KIAA1328: variants seen among roughly 807,000 people sequenced by gnomAD.
KIAA1328 encodes KIAA1328, also known as protein hinderin.
In KIAA1328, 52 loss-of-function variants were observed where a neutral mutation model predicts 68.1. The ratio of observed to expected loss-of-function variants is 0.76; its 90% CI spans 0.61 to 0.96. KIAA1328 has a LOEUF of 0.96. Among genes scored for constraint, KIAA1328 ranks in the 40% least tolerant of loss-of-function variants. The pLI is 0.00. For missense variants in KIAA1328, 641 were observed against 677.6 expected (o/e 0.95, Z 0.60); for synonymous variants, 232 against 239.4 (o/e 0.97, Z 0.28).
intron 6 of KIAA1328, among the ~76,000 whole-genome samples, chr18:37,066,098 G>A (rs1413201912): frequency 1.3e-5 from 2 of 152,184 alleles, no homozygotes; most frequent in African/African-American, 4.8e-5. Context: ...GCACCCTTCA[G>A]TTTATTCTGC....
chr18:36,853,004 A>G (rs1365325033), intron 4 of KIAA1328, among the ~76,000 whole-genome samples: 1 of 152,074 alleles, frequency 6.6e-6, no homozygotes, highest in Admixed American at 6.6e-5. Context: ...TATTTTTATA[A>G]TTTTTGTATC....
At chr18:36,939,853 C>T (rs917129678) in intron 5 of KIAA1328, among the ~76,000 whole-genome samples, 9 of 152,048 alleles carry the variant, frequency 5.9e-5, no homozygotes, top group Admixed American at 2.0e-4. Context: ...ATGATCACCA[C>T]GGTTTTTATT....
intron 5 of KIAA1328, among the ~76,000 whole-genome samples, chr18:36,896,285 G>T (rs1165438879): frequency 3.3e-5 from 5 of 151,774 alleles, no homozygotes; most frequent in African/African-American, 1.2e-4. Flanking sequence ...TTGATTTTTG[G>T]CAATCTTGTT....
At chr18:36,931,832 A>T (rs2050320984) in intron 5 of KIAA1328, among the ~76,000 whole-genome samples, 1 of 147,094 alleles carries the variant, frequency 6.8e-6, no homozygotes, top group South Asian at 2.1e-4. Flanking sequence ...TAGCTATTTC[A>T]TTTTTTTAAT....
chr18:36,877,663 CTTTTT>C (rs908999170), intron 4 of KIAA1328, among the ~76,000 whole-genome samples: 2 of 116,012 alleles, frequency 1.7e-5, no homozygotes, highest in Non-Finnish European at 3.6e-5. Context: ...CAGTCTGTGT[CTTTTT>C]TTTTTTTTTT....
chr18:37,110,261 A>G (rs1232530917), intron 7 of KIAA1328, among the ~76,000 whole-genome samples: 1 of 152,182 alleles, frequency 6.6e-6, no homozygotes, highest in South Asian at 2.1e-4. Context: ...AATGTATTGC[A>G]GTGTTTCACT....
chr18:37,183,272 G>T (rs1232815141), intron 9 of KIAA1328, among the ~76,000 whole-genome samples: 1 of 152,112 alleles, frequency 6.6e-6, no homozygotes, highest in African/African-American at 2.4e-5. Context: ...ATTCTGAAAG[G>T]ATTTAATTCC....
chr18:36,847,613 A>G (rs1284342163), intron 4 of KIAA1328, among the ~76,000 whole-genome samples: 1 of 151,410 alleles, frequency 6.6e-6, no homozygotes, highest in East Asian at 1.9e-4. Context: ...TTCTCTTCTT[A>G]ATATTGAGGT....
At chr18:36,954,765 A>G (rs1049758214) in intron 5 of KIAA1328, among the ~76,000 whole-genome samples, 12 of 149,968 alleles carry the variant, frequency 8.0e-5, no homozygotes, top group South Asian at 2.1e-4. Flanking sequence ...TGCGATCTCA[A>G]CTCACTGCAA....
At chr18:36,962,402 G>T (rs2051719205) in intron 6 of KIAA1328, among the ~76,000 whole-genome samples, 1 of 152,144 alleles carries the variant, frequency 6.6e-6, no homozygotes, top group Admixed American at 6.5e-5. Context: ...GTCAATATTA[G>T]ACAGATCAAT....
rs770787335 is a variant in KIAA1328, at chr18:37,067,513, G to A, written c.1200G>A (p.Gln400=). Residue 400 remains glutamine (Q), a synonymous_variant, in exon 7 of 10, where the codon CAG becomes CAA. Coordinates refer to ENST00000280020, the MANE Select transcript of KIAA1328 (RefSeq NM_020776.3). The stretch of plus-strand genomic sequence containing the variant: ...AGACAAAGCTTCTTCTAAAACAGCA[G>A]CAGCTTCACCAGTCTCGACTGGATT... ...QQETKLLLKQ[Q]QLHQSRLDYN... 1.1e-5 allele frequency: 17 copies of A among 1,539,050 alleles called. No homozygotes were observed. The highest frequency in any genetic ancestry group is 1.5e-5 in the Non-Finnish European group (17 of 1,146,054).
intron 3 of KIAA1328, 116 bp from the exon 4 acceptor site, chr18:36,844,092 G>T (rs1460043635): frequency 1.1e-5 from 7 of 630,840 alleles, no homozygotes; most frequent in Non-Finnish European, 1.4e-5. Context: ...GAAACAGGTA[G>T]ATAGTGTTGC....
At chr18:37,046,895 C>A (rs2055492648) in intron 6 of KIAA1328, among the ~76,000 whole-genome samples, 1 of 152,160 alleles carries the variant, frequency 6.6e-6, no homozygotes, top group African/African-American at 2.4e-5. Flanking sequence ...CTTTGGAAGG[C>A]CAAGACGGGT....
chr18:36,925,327 G>A (rs1310607181), intron 5 of KIAA1328, among the ~76,000 whole-genome samples: 1 of 152,076 alleles, frequency 6.6e-6, no homozygotes, highest in Non-Finnish European at 1.5e-5. Context: ...GGAGATATGA[G>A]CCAAGAAAGA....
chr18:36,895,412 A>G (rs375537453), intron 5 of KIAA1328, among the ~76,000 whole-genome samples: 160 of 152,320 alleles, frequency 1.1e-3, no homozygotes, highest in African/African-American at 3.7e-3. Context: ...AAGGGCGTCT[A>G]TGTGAAGGGA....
At chr18:36,882,815 C>T (rs2048367048) in intron 4 of KIAA1328, among the ~76,000 whole-genome samples, 1 of 152,130 alleles carries the variant, frequency 6.6e-6, no homozygotes, top group African/African-American at 2.4e-5. Context: ...ATAATCTGTG[C>T]ATTTACATTA....
intron 7 of KIAA1328, among the ~76,000 whole-genome samples, chr18:37,073,159 C>T (rs1266738935): frequency 6.6e-6 from 1 of 152,292 alleles, no homozygotes; most frequent in East Asian, 1.9e-4. Flanking sequence ...CCAAAATTGA[C>T]AAATGGGATC....
At chr18:36,863,371 G>T (rs939282067) in intron 4 of KIAA1328, among the ~76,000 whole-genome samples, 5 of 151,228 alleles carry the variant, frequency 3.3e-5, no homozygotes, top group African/African-American at 1.2e-4. Context: ...TCTTTTTTCT[G>T]TTCCACTGGC....
At chr18:37,125,943 G>A (rs1207834048) in intron 7 of KIAA1328, among the ~76,000 whole-genome samples, 1 of 151,984 alleles carries the variant, frequency 6.6e-6, no homozygotes, top group Non-Finnish European at 1.5e-5. Context: ...TTAATGGTAT[G>A]TCATATTTTT....
Sources: gnomAD v4.1 joint callset for allele counts (sites outside exome capture counted in the v4.1 genomes callset) on GRCh38, gnomAD v4.1.1 for gene constraint, MANE v1.5 for transcripts, NCBI Gene and HGNC (gene_info 2026-07-23, HGNC 2026-07-21) for gene names.